FKTN: variants seen among roughly 807,000 people sequenced by gnomAD.
The protein encoded by FKTN is ribitol-5-phosphate transferase FKTN.
In FKTN, 47 loss-of-function variants were observed where a neutral mutation model predicts 58.6. The observed-to-expected ratio is 0.80, with a 90% CI of 0.63 to 1.02. The LOEUF is 1.02. Ranked by LOEUF, FKTN falls within the 50% of genes least tolerant of loss-of-function variation. FKTN has a pLI of 0.00. For missense variants in FKTN, 516 were observed against 537.3 expected, an observed-to-expected ratio of 0.96 and a Z score of 0.39; for synonymous variants, 178 against 191.9, an observed-to-expected ratio of 0.93 and a Z score of 0.60.
intron 2 of FKTN, chr9:105,574,421 T>G (rs1841316370): frequency 6.6e-6 from 1 of 152,226 alleles, no homozygotes; most frequent in African/African-American, 2.4e-5. Context: ...ATGTTTATTG[T>G]GGCATTCTTT....
At chr9:105,614,409 C>T (rs570833065) in intron 7 of FKTN, among the ~76,000 whole-genome samples, 1 of 152,236 alleles carries the variant, frequency 6.6e-6, no homozygotes, top group East Asian at 1.9e-4. Flanking sequence ...AATACTCAGG[C>T]ACTACTCTAC....
rs533796904 is a variant in FKTN, at chr9:105,629,528, G to T, written c.1173-5523G>T. On this transcript the variant is annotated intron_variant, in intron 10 of 10. Transcript: ENST00000357998. ...AGTCTGAAGGAAAGCAAGCACAACT[G>T]GAGTCTAACTGGTTGTTGAAGTGCT... 3.3e-5 allele frequency among the ~76,000 whole-genome samples: 5 copies of T among 152,276 alleles called. No individual in the cohort carries two copies. The East Asian group carries it at 9.6e-4, about 29-fold the overall frequency.
intron 3 of FKTN, among the ~76,000 whole-genome samples, chr9:105,581,264 T>G (rs2132204083): frequency 6.7e-6 from 1 of 148,256 alleles, no homozygotes; most frequent in South Asian, 2.2e-4. Context: ...AGTTTCCAGT[T>G]TTTCTGTTCT....
At position 105,604,329 on chromosome 9, in the gene FKTN, T is replaced by G; in HGVS notation, c.484T>G (p.Tyr162Asp). The G allele has an allele frequency of 6.2e-7, 1 of 1,614,132 alleles. No individual in the cohort carries two copies. Among genetic ancestry groups the G allele is most frequent in the African/African-American group, 1.3e-5 (1 of 75,056 alleles). Residue 162 changes from tyrosine (Y) to aspartate (D), a missense_variant, in exon 6 of 11, where the codon TAT becomes GAT. Coordinates refer to ENST00000357998, the MANE Select transcript of FKTN (RefSeq NM_001079802.2). Reference sequence around the variant, plus strand: ...CTCTGGAACTGAAATCCCCCTGCACTATATCTGCAAACTGGCCACTCATGC... The same window carrying G: ...CTCTGGAACTGAAATCCCCCTGCACGATATCTGCAAACTGGCCACTCATGC... The part of the protein sequence containing the change: ...SLSGTEIPLH[Y>D]ICKLATHAIH...
Position 105,601,279 on chromosome 9 carries a change from A to G in FKTN, c.300A>G (p.Gln100=), listed in dbSNP as rs1588088054. ...VKNTSHGSTS[Q]CKFFCVPRDF... ...ATACTTCTCATGGCTCTACTTCACA[A>G]TGCAAGTTTTTCTGTGTTCCAAGAG... The change falls in exon 5 of 11, where the codon CAA becomes CAG. Residue 100 remains glutamine (Q), a synonymous_variant. Coordinates refer to ENST00000357998, the MANE Select transcript of FKTN (RefSeq NM_001079802.2). 6.2e-7 allele frequency: 1 copy of G among 1,612,900 alleles called. No homozygotes were observed. The highest frequency in any genetic ancestry group is 8.5e-7 in the Non-Finnish European group (1 of 1,179,520).
intron 3 of FKTN, among the ~76,000 whole-genome samples, chr9:105,585,541 G>A (rs1369476679): frequency 6.6e-6 from 1 of 152,174 alleles, no homozygotes; most frequent in Non-Finnish European, 1.5e-5. Context: ...AAATTTTGAA[G>A]CTTTTGGGTT....
At chr9:105,619,732 G>T (rs1333942684) in intron 9 of FKTN, among the ~76,000 whole-genome samples, 1 of 152,044 alleles carries the variant, frequency 6.6e-6, no homozygotes, top group Non-Finnish European at 1.5e-5. Flanking sequence ...TATTTTAGAT[G>T]CAGTTAAGAA....
intron 3 of FKTN, among the ~76,000 whole-genome samples, chr9:105,593,945 G>A (rs1826256644): frequency 6.6e-6 from 1 of 152,222 alleles, no homozygotes; most frequent in African/African-American, 2.4e-5. Context: ...CAACCCATTA[G>A]GAGTTTTGCT....
At chr9:105,564,984 G>T (rs1029439687) in intron 1 of FKTN, among the ~76,000 whole-genome samples, 1 of 152,130 alleles carries the variant, frequency 6.6e-6, no homozygotes, top group Non-Finnish European at 1.5e-5. Context: ...AGAGAGTGTG[G>T]GCCAATATTC....
Position 105,639,642 on chromosome 9 carries a change from G to GA in FKTN, c.*4388dup, listed in dbSNP as rs148253503. ...AGATTGCATGACTGAATTTGCTTAA[G>GA]AAAAAAAAAATTGTATCAAGTCATT... is the stretch of plus-strand genomic sequence containing the variant. On this transcript the variant is annotated 3_prime_UTR_variant, in exon 11 of 11. Coordinates refer to ENST00000357998, the MANE Select transcript of FKTN (RefSeq NM_001079802.2). 7.1e-3 allele frequency: 6,347 copies of GA among 891,436 alleles called. No individual in the cohort carries two copies. The highest frequency in any genetic ancestry group is 7.9e-3 in the Non-Finnish European group (5,861 of 746,504). 55.2% of individuals were successfully genotyped at this position (891,436 alleles called of 1,614,324 possible).
chr9:105,633,144 A>C (rs1423233617), intron 10 of FKTN, among the ~76,000 whole-genome samples: 1 of 152,234 alleles, frequency 6.6e-6, no homozygotes, highest in Non-Finnish European at 1.5e-5. Context: ...GGAAAAGGAA[A>C]CCACAAAGAG....
chr9:105,620,273 TGTCA>T (rs1564332777), intron 10 of FKTN: 1 of 475,278 alleles, frequency 2.1e-6, no homozygotes, highest in Non-Finnish European at 3.8e-6. Context: ...TCCCTGGGTT[TGTCA>T]GTCCAAGTTG....
rs554733962 is a variant in FKTN, at chr9:105,578,936, A to C, written c.105+3799A>C. On this transcript the variant is annotated intron_variant, in intron 3 of 10. Transcript: ENST00000357998. The stretch of plus-strand genomic sequence containing the variant: ...GTCAAGGAATTTATCCATTTCTTCT[A>C]GATTTTCTAGTTTATTTGTGTAGAG... Among the ~76,000 whole-genome samples the C allele has an allele frequency of 5.9e-5, 9 of 152,078 alleles. No individual in the cohort carries two copies. In the East Asian group the frequency reaches 1.7e-3, roughly 29 times the overall value.
At chr9:105,599,742 G>A (rs976847350) in intron 4 of FKTN, among the ~76,000 whole-genome samples, 4 of 152,140 alleles carry the variant, frequency 2.6e-5, no homozygotes, top group Non-Finnish European at 4.4e-5. Flanking sequence ...GACCTCAGGT[G>A]ATCCACCTGC....
At chr9:105,622,778 G>C (rs1346860178) in intron 10 of FKTN, among the ~76,000 whole-genome samples, 1 of 152,078 alleles carries the variant, frequency 6.6e-6, no homozygotes, top group African/African-American at 2.4e-5. Context: ...TATTGTGTAA[G>C]TAGTAGCTAC....
At position 105,625,814 on chromosome 9, in the gene FKTN, A is replaced by G. The variant is rs531016086; in HGVS notation, c.1172+5753A>G. ...TGGCTCCAAGAATTATCAAATGAACAAATGTGTAACCAGCACCCCAGTAAA... is the reference window on the plus strand; with the variant it reads ...TGGCTCCAAGAATTATCAAATGAACGAATGTGTAACCAGCACCCCAGTAAA... On this transcript the variant is annotated intron_variant, in intron 10 of 10. Coordinates refer to ENST00000357998, the MANE Select transcript of FKTN (RefSeq NM_001079802.2). Among the ~76,000 whole-genome samples the G allele has an allele frequency of 4.6e-5, 7 of 152,118 alleles. No homozygotes were observed. In the South Asian group the frequency reaches 1.5e-3, roughly 32 times the overall value.
chr9:105,581,457 G>A (rs1001245204), intron 3 of FKTN, among the ~76,000 whole-genome samples: 3 of 150,382 alleles, frequency 2.0e-5, no homozygotes, highest in African/African-American at 7.5e-5. Flanking sequence ...CTGCTGCGGG[G>A]TGCCTCCCAG....
Position 105,638,145 on chromosome 9 carries a change from T to G in FKTN, c.*2881T>G, listed in dbSNP as rs919848166. The G allele has an allele frequency of 2.8e-5, 28 of 984,864 alleles. 1 individual carries two copies. Among genetic ancestry groups the G allele is most frequent in the Non-Finnish European group, 3.1e-5 (26 of 829,460 alleles). The allele number at this position is 984,864 out of a possible 1,614,324, so 61.0% of individuals were successfully genotyped here. A position where few individuals can be genotyped will look rare whatever the true frequency, so the allele number is the denominator to read the frequency against. The stretch of plus-strand genomic sequence containing the variant: ...AAAGAATGATCTGAACAAGAACAGC[T>G]GAGGCTAAAACCCAAGACTGCCGTG... On this transcript the variant is annotated 3_prime_UTR_variant, in exon 11 of 11. Transcript: ENST00000357998.
chr9:105,559,067 C>G (rs1277215059), intron 1 of FKTN, among the ~76,000 whole-genome samples: 1 of 152,156 alleles, frequency 6.6e-6, no homozygotes. Context: ...GACTTGATTT[C>G]TTGGATCTGG....
Sources: gnomAD v4.1 joint callset for allele counts (sites outside exome capture counted in the v4.1 genomes callset) on GRCh38, gnomAD v4.1.1 for gene constraint, MANE v1.5 for transcripts, NCBI Gene and HGNC (gene_info 2026-07-23, HGNC 2026-07-21) for gene names.